Variants in STS observed in about 807,000 individuals in gnomAD.
STS encodes the protein steroid sulfatase, also known as steryl-sulfatase.
STS carries 7 observed loss-of-function variants against 26.8 expected under a neutral mutation model. That is an observed-to-expected ratio of 0.26 (90% CI 0.15 to 0.49). The LOEUF (loss-of-function observed/expected upper bound fraction) is 0.49, where lower values mean the gene tolerates loss of function less well. STS is among the 20% of genes least tolerant of loss of function. The pLI, the probability that STS is intolerant of heterozygous loss-of-function variation, is 0.98. For missense variants in STS, 434 were observed against 465.6 expected (o/e 0.93, Z 0.63); for synonymous variants, 199 against 189.4 (o/e 1.05, Z -0.42).
At chrX:7,294,955 T>C (rs375200565) in intron 7 of STS, among the ~76,000 whole-genome samples, 3 of 111,907 alleles carry the variant, frequency 2.7e-5, no homozygotes, top group East Asian at 2.8e-4. Context: ...CCTCAGATAC[T>C]ATAAAGATAT....
At chrX:7,334,609 T>C (rs1375902378) in intron 10 of STS, among the ~76,000 whole-genome samples, 1 of 111,752 alleles carries the variant, frequency 8.9e-6, no homozygotes, top group Admixed American at 9.5e-5. Flanking sequence ...CTGCATGTCC[T>C]CAAAACATTC....
At chrX:7,205,143 C>A (rs1384983028) in intron 2 of STS, among the ~76,000 whole-genome samples, 1 of 112,022 alleles carries the variant, frequency 8.9e-6, no homozygotes, top group African/African-American at 3.2e-5. Flanking sequence ...GACTTTTGGG[C>A]AATTGCACAA....
intron 1 of STS, among the ~76,000 whole-genome samples, chrX:7,181,548 G>A (rs1174030398): frequency 8.9e-6 from 1 of 111,889 alleles, no homozygotes; most frequent in African/African-American, 3.2e-5. Flanking sequence ...GAGTGTGCTG[G>A]TCCAGGTCTC....
intron 2 of STS, among the ~76,000 whole-genome samples, chrX:7,244,266 C>A (rs748633829): frequency 1.3e-4 from 15 of 112,017 alleles, no homozygotes; most frequent in South Asian, 3.7e-4. Context: ...AGAAGGAATG[C>A]TTGCAGCCTA....
chrX:7,246,592 C>A lies in STS; in HGVS notation c.-4-6604C>A, dbSNP rs773194789. Among the ~76,000 whole-genome samples, 6 of 111,571 alleles carry A rather than the reference C, an allele frequency of 5.4e-5. No homozygotes were observed. The Admixed American group carries it at 5.7e-4, about 11-fold the overall frequency. ...AAGTGCTGGGATTACAGGCGTGAGCCACCGCGCCCGGCCCTGGGAGAGACT... is the reference window on the plus strand; with the variant it reads ...AAGTGCTGGGATTACAGGCGTGAGCAACCGCGCCCGGCCCTGGGAGAGACT... On this transcript the variant is annotated intron_variant, in intron 2 of 10. Coordinates refer to ENST00000674429, the MANE Select transcript of STS (RefSeq NM_001320752.2).
chrX:7,304,825 G>A (rs1322890447), intron 7 of STS, among the ~76,000 whole-genome samples: 2 of 111,333 alleles, frequency 1.8e-5, no homozygotes, highest in African/African-American at 3.3e-5. Flanking sequence ...GGTTCAAATG[G>A]TGCTTCTAAA....
chrX:7,159,845 G>A (rs1225916756), intron 1 of STS, among the ~76,000 whole-genome samples: 2 of 111,956 alleles, frequency 1.8e-5, no homozygotes, highest in Non-Finnish European at 3.8e-5. Context: ...TGATAGATTC[G>A]CTGATTACTC....
rs773754697 is a variant in STS, at chrX:7,342,561, C to G, written c.1364-7327C>G. Among the ~76,000 whole-genome samples, 23 of 112,332 alleles carry G rather than the reference C, an allele frequency of 2.0e-4. No individual in the cohort carries two copies. The Admixed American group carries it at 2.2e-3, about 11-fold the overall frequency. ...TTGGCTGGCTGTGAAACAGATGCAC[C>G]CAGCCACCAGAGCTGCTTCCTCATC... On this transcript the variant is annotated intron_variant, in intron 10 of 10. Transcript: ENST00000674429.
rs1309927511 is a variant in STS, at chrX:7,241,821, A to G, written c.-4-11375A>G. Reference sequence around the variant, plus strand: ...TCTCTTTCAGGCTACTTCAGGTGTCATGGCTGTGGTCTCATCTGTGGTCCA... The same window carrying G: ...TCTCTTTCAGGCTACTTCAGGTGTCGTGGCTGTGGTCTCATCTGTGGTCCA... On this transcript the variant is annotated intron_variant, in intron 2 of 10. Transcript: ENST00000674429. Among the ~76,000 whole-genome samples the G allele has an allele frequency of 3.6e-5, 4 of 112,172 alleles. No individual in the cohort carries two copies. The East Asian group carries it at 1.1e-3, about 31-fold the overall frequency.
chrX:7,204,319 C>A (rs1258472885), intron 2 of STS, among the ~76,000 whole-genome samples: 1 of 111,801 alleles, frequency 8.9e-6, no homozygotes, highest in Non-Finnish European at 1.9e-5. Context: ...TAGCATTTTC[C>A]TTGTGTTTAA....
intron 2 of STS, among the ~76,000 whole-genome samples, chrX:7,234,766 C>T (rs1369985332): frequency 1.8e-5 from 2 of 112,149 alleles, no homozygotes; most frequent in Non-Finnish European, 3.8e-5. Flanking sequence ...GAATCTGATC[C>T]TTTTACAGGA....
intron 8 of STS, among the ~76,000 whole-genome samples, chrX:7,324,834 G>C (rs1430084226): frequency 1.8e-5 from 2 of 111,729 alleles, no homozygotes; most frequent in Admixed American, 9.5e-5. Context: ...GATTATATTA[G>C]ATCCACTCAG....
At chrX:7,240,493 ATGTGTGTGTGTGTGTGTGTGTG>A (rs374194610) in intron 2 of STS, among the ~76,000 whole-genome samples, 28,097 of 72,647 alleles carry the variant, frequency 0.39, 4,059 homozygotes, top group East Asian at 0.53. Flanking sequence ...ACAGATATGT[ATGTGTGTGTGTGTGTGTGTGTG>A]TGTGTGTGTG....
intron 8 of STS, 99 bp downstream of exon 8, chrX:7,305,282 T>C: frequency 1.1e-5 from 12 of 1,067,076 alleles, no homozygotes; most frequent in Admixed American, 4.5e-5. Context: ...TCTGCTACTT[T>C]GCAATAGGTA....
intron 6 of STS, among the ~76,000 whole-genome samples, chrX:7,265,510 G>A (rs1477330598): frequency 8.9e-6 from 1 of 112,272 alleles, no homozygotes; most frequent in Non-Finnish European, 1.9e-5. Context: ...ATTGAAGCCT[G>A]ACAAGTTAAT....
intron 1 of STS, among the ~76,000 whole-genome samples, chrX:7,154,215 G>C (rs1314951237): frequency 1.8e-5 from 2 of 112,075 alleles, no homozygotes; most frequent in East Asian, 5.6e-4. Context: ...TCACCACGCA[G>C]AGAGCTGAAT....
At chrX:7,325,183 A>G (rs1352350926) in intron 8 of STS, among the ~76,000 whole-genome samples, 156 bp from the exon 9 acceptor site, 1 of 111,709 alleles carries the variant, frequency 9.0e-6, no homozygotes, top group Non-Finnish European at 1.9e-5. Context: ...TTTTCAATAC[A>G]ACATATACTA....
chrX:7,235,969 G>T (rs1185868875), intron 2 of STS, among the ~76,000 whole-genome samples: 3 of 111,156 alleles, frequency 2.7e-5, no homozygotes, highest in Non-Finnish European at 5.7e-5. Context: ...TAACAAGAAT[G>T]TTTTTCTACA....
chrX:7,240,635 C>T (rs1454566092), intron 2 of STS, among the ~76,000 whole-genome samples: 1 of 105,476 alleles, frequency 9.5e-6, no homozygotes, highest in Non-Finnish European at 1.9e-5. Flanking sequence ...TTGTTCCCTA[C>T]CCAGCTAATG....
Sources: allele counts gnomAD v4.1 joint callset (sites outside exome capture counted in the v4.1 genomes callset), GRCh38; gene constraint gnomAD v4.1.1; transcripts MANE v1.5; gene names NCBI Gene and HGNC (gene_info 2026-07-23, HGNC 2026-07-21).